PEAK1: variants seen among roughly 807,000 people sequenced by gnomAD.
The protein encoded by PEAK1 is pseudopodium enriched atypical kinase 1.
PEAK1 carries 54 observed loss-of-function variants against 124.7 expected under a neutral mutation model. That is an observed-to-expected ratio of 0.43 (90% confidence interval 0.35 to 0.54). The LOEUF (loss-of-function observed/expected upper bound fraction) is 0.54, where lower values mean the gene tolerates loss of function less well. PEAK1 is among the 20% of genes least tolerant of loss of function. The pLI, the probability that PEAK1 is intolerant of heterozygous loss-of-function variation, is 0.01. For missense variants in PEAK1, 2,046 were observed against 2,134.5 expected, an observed-to-expected ratio of 0.96 and a Z score of 0.82; for synonymous variants, 719 against 760.0, an observed-to-expected ratio of 0.95 and a Z score of 0.89.
At chr15:77,227,561 C>T (rs999915305) in intron 6 of PEAK1, among the ~76,000 whole-genome samples, 56 of 152,084 alleles carry the variant, frequency 3.7e-4, no homozygotes, top group African/African-American at 1.4e-3. Flanking sequence ...GCTTAATCTT[C>T]AGAAGTTTAC....
intron 2 of PEAK1, chr15:77,333,842 C>A: frequency 1.6e-6 from 1 of 618,692 alleles, no homozygotes; most frequent in Non-Finnish European, 2.0e-6. Flanking sequence ...GGTGCAATTC[C>A]AACTTCATAA....
chr15:77,114,558 T>C lies in PEAK1; in HGVS notation c.4839A>G (p.Pro1613=), dbSNP rs755502255. Residue 1613 remains proline, a synonymous_variant, in exon 10 of 10, where the codon CCA becomes CCG. Coordinates refer to ENST00000682557, the MANE Select transcript of PEAK1 (RefSeq NM_001385026.1). ...LHLPNPFDEN[P]ELKEREYTRA... is the part of the protein sequence containing the mutation. Reference sequence around the variant, plus strand: ...GTGTGTATTCCCTCTCCTTCAGCTCTGGGTTCTCATCAAAGGGGTTGGGTA... The same window carrying C: ...GTGTGTATTCCCTCTCCTTCAGCTCCGGGTTCTCATCAAAGGGGTTGGGTA... 1 of 1,614,136 alleles carries C rather than the reference T, an allele frequency of 6.2e-7. No individual in the cohort carries two copies. Among genetic ancestry groups the C allele is most frequent in the South Asian group, 1.1e-5 (1 of 91,086 alleles).
At chr15:77,106,068 A>C (rs1596191853), downstream of PEAK1, 1 of 152,232 alleles carries the variant, frequency 6.6e-6, no homozygotes, top group African/African-American at 2.4e-5. Context: ...CCTCACCTGG[A>C]GTCTGGCTTG....
intron 2 of PEAK1, among the ~76,000 whole-genome samples, chr15:77,305,144 A>G (rs1018727091): frequency 8.1e-6 from 1 of 123,076 alleles, no homozygotes; most frequent in African/African-American, 2.7e-5. Flanking sequence ...CCCTGTTTCA[A>G]AAAAAGGAAG....
intron 2 of PEAK1, chr15:77,352,248 C>T (rs1325107317): frequency 2.0e-6 from 2 of 985,358 alleles, no homozygotes; most frequent in Non-Finnish European, 2.4e-6. Flanking sequence ...TAGATCAAGG[C>T]AGTAGGATTT....
chr15:77,178,669 T>G, intron 7 of PEAK1, 121 bp downstream of exon 7: 1 of 919,094 alleles, frequency 1.1e-6, no homozygotes, highest in Non-Finnish European at 1.6e-6. Context: ...AGATAGATGA[T>G]GGCCACAGAG....
At chr15:77,381,184 TA>T in intron 1 of PEAK1, 2 of 968,236 alleles carry the variant, frequency 2.1e-6, no homozygotes, top group Non-Finnish European at 2.5e-6. Context: ...CCTAAAAAGC[TA>T]ATCTAGGACT....
chr15:77,309,268 T>C (rs11630843), intron 2 of PEAK1, among the ~76,000 whole-genome samples: 42,883 of 151,956 alleles, frequency 0.28, 7,165 homozygotes, highest in Non-Finnish European at 0.39. Context: ...TGACAAATTA[T>C]GCTTAGGACT....
chr15:77,250,132 A>T (rs1156325022), intron 6 of PEAK1, among the ~76,000 whole-genome samples: 11 of 133,546 alleles, frequency 8.2e-5, no homozygotes, highest in Admixed American at 7.9e-4. Context: ...TTTTTAAAGA[A>T]ATCACTGTTA....
At chr15:77,353,359 T>C (rs1158680252) in intron 2 of PEAK1, among the ~76,000 whole-genome samples, 1 of 152,152 alleles carries the variant, frequency 6.6e-6, no homozygotes, top group East Asian at 1.9e-4. Flanking sequence ...TACAGCAACG[T>C]TGCCAGACAG....
chr15:77,406,726 T>C (rs542468561), intron 1 of PEAK1, among the ~76,000 whole-genome samples: 2 of 152,076 alleles, frequency 1.3e-5, no homozygotes, highest in East Asian at 3.9e-4. Context: ...ACAAATTCAA[T>C]GCAATTTCCA....
At chr15:77,136,789 C>T (rs1458660561) in intron 8 of PEAK1, among the ~76,000 whole-genome samples, 1 of 152,214 alleles carries the variant, frequency 6.6e-6, no homozygotes, top group East Asian at 1.9e-4. Context: ...CAGAAATTTG[C>T]AGAAACTTGC....
chr15:77,244,233 A>G (rs888185315), intron 6 of PEAK1, among the ~76,000 whole-genome samples: 4 of 152,252 alleles, frequency 2.6e-5, no homozygotes, highest in African/African-American at 9.6e-5. Flanking sequence ...AAAGGAGGAT[A>G]AAAGGAAACC....
At chr15:77,359,679 A>C (rs1472565339) in intron 2 of PEAK1, among the ~76,000 whole-genome samples, 1 of 152,200 alleles carries the variant, frequency 6.6e-6, no homozygotes, top group Non-Finnish European at 1.5e-5. Context: ...TTAGAAAAAA[A>C]ATTTCACTTA....
intron 1 of PEAK1, among the ~76,000 whole-genome samples, chr15:77,408,008 CACATAT>C (rs1178292387): frequency 6.6e-6 from 1 of 150,784 alleles, no homozygotes; most frequent in East Asian, 1.9e-4. Flanking sequence ...CACACACGTA[CACATAT>C]ACACATATAT....
chr15:77,328,416 T>C (rs1240988942), intron 2 of PEAK1, among the ~76,000 whole-genome samples: 1 of 152,182 alleles, frequency 6.6e-6, no homozygotes, highest in Non-Finnish European at 1.5e-5. Flanking sequence ...GACATTCTTT[T>C]CATTCACCAT....
At chr15:77,403,540 A>G in intron 1 of PEAK1, 1 of 972,224 alleles carries the variant, frequency 1.0e-6, no homozygotes. Flanking sequence ...CACTGGTAGC[A>G]TATTTATTTA....
At chr15:77,142,432 T>C (rs997876127) in intron 8 of PEAK1, among the ~76,000 whole-genome samples, 2 of 152,264 alleles carry the variant, frequency 1.3e-5, no homozygotes, top group African/African-American at 2.4e-5. Context: ...ATACAGTTAC[T>C]ATTTGACCCA....
In PEAK1 at chr15:77,352,270, C is replaced by T. The variant is rs537917347; in HGVS notation, c.-603+12893G>A. The T allele has an allele frequency of 1.1e-3, 1,075 of 985,386 alleles. 1 individual carries two copies. The highest frequency in any genetic ancestry group is 1.3e-3 in the Non-Finnish European group (1,044 of 829,918). The allele number at this position is 985,386 out of a possible 1,614,324, so 61.0% of individuals were successfully genotyped here. On this transcript the variant is annotated intron_variant, in intron 2 of 9. Coordinates refer to ENST00000682557, the MANE Select transcript of PEAK1 (RefSeq NM_001385026.1). The stretch of plus-strand genomic sequence containing the variant: ...AGGCAGTAGGATTTGGTCCTCCTAG[C>T]CATACCTCTCCCCCAGGAAGTGAGC...
Sources: gnomAD v4.1 joint callset for allele counts (sites outside exome capture counted in the v4.1 genomes callset) on GRCh38, gnomAD v4.1.1 for gene constraint, MANE v1.5 for transcripts, NCBI Gene and HGNC (gene_info 2026-07-23, HGNC 2026-07-21) for gene names.